The following DIP2C variants were observed in gnomAD, a reference collection of about 807,000 sequenced individuals.
DIP2C encodes disco-interacting protein 2 homolog C.
Under a neutral mutation model 192.4 loss-of-function variants are expected in DIP2C, and 33 were observed. The observed-to-expected ratio is 0.17, with a 90% CI of 0.13 to 0.23. DIP2C has a LOEUF of 0.23. Ranked by LOEUF, DIP2C falls within the 10% of genes least tolerant of loss-of-function variation. DIP2C has a pLI of 1.00. For synonymous variants in DIP2C, 979 were observed against 864.1 expected, an observed-to-expected ratio of 1.13 and a Z score of -2.33; for missense variants, 1,537 against 2,110.1, an observed-to-expected ratio of 0.73 and a Z score of 5.32.
intron 1 of DIP2C, among the ~76,000 whole-genome samples, chr10:610,875 C>A (rs1343995418): frequency 2.1e-5 from 3 of 141,176 alleles, no homozygotes; most frequent in Non-Finnish European, 4.6e-5. Context: ...TGGTTTCTAA[C>A]CCCCCAGTGT....
rs199656856 is a variant in DIP2C at position 392,813 on chromosome 10, AGC to A, written c.1261-1952_1261-1951del. Among the ~76,000 whole-genome samples the A allele has an allele frequency of 6.3e-3, 912 of 145,038 alleles. 3 individuals are homozygous for A. Among genetic ancestry groups the A allele is most frequent in the African/African-American group, 0.014 (507 of 35,522 alleles). ...TGCACACACGCGGATGCGCACACTC[AGC>A]GCACACACACACACACGCCCACGCA... On this transcript the variant is annotated intron_variant, in intron 10 of 36. Transcript: ENST00000280886.
At chr10:486,355 C>G in intron 2 of DIP2C, 104 bp downstream of exon 2, 1 of 1,136,482 alleles carries the variant, frequency 8.8e-7, no homozygotes. Flanking sequence ...GACGCCTCCT[C>G]CTGCCGACTG....
At chr10:425,312 C>T (rs1412556487) in intron 4 of DIP2C, among the ~76,000 whole-genome samples, 21 of 68,462 alleles carry the variant, frequency 3.1e-4, no homozygotes, top group South Asian at 5.8e-4. Context: ...GCATGACCAG[C>T]GGTGACTAAT....
intron 1 of DIP2C, among the ~76,000 whole-genome samples, chr10:546,594 G>A (rs193293977): frequency 2.6e-4 from 39 of 152,330 alleles, no homozygotes; most frequent in African/African-American, 9.4e-4. Context: ...GCTGCCAAAT[G>A]TCACAAGCGG....
At chr10:301,442 C>A (rs191688394) in intron 32 of DIP2C, among the ~76,000 whole-genome samples, 2 of 152,096 alleles carry the variant, frequency 1.3e-5, no homozygotes, top group African/African-American at 2.4e-5. Context: ...GCAGCTGCAG[C>A]GGGTCACAGT....
chr10:662,795 A>C (rs761390025), intron 1 of DIP2C: 1 of 713,454 alleles, frequency 1.4e-6, no homozygotes, highest in South Asian at 1.5e-5. Context: ...TTTTAGAAGA[A>C]CCAAAACTGT....
chr10:502,433 C>T (rs764803894), intron 1 of DIP2C, among the ~76,000 whole-genome samples: 1 of 152,184 alleles, frequency 6.6e-6, no homozygotes. Context: ...GCTCATAGGA[C>T]GAAAGGCTCA....
chr10:554,573 C>T (rs889423906), intron 1 of DIP2C, among the ~76,000 whole-genome samples: 1 of 152,226 alleles, frequency 6.6e-6, no homozygotes, highest in African/African-American at 2.4e-5. Flanking sequence ...CATGTGTTCC[C>T]GTGTTCTTGA....
chr10:475,652 AAATG>A (rs1020578613), intron 2 of DIP2C, among the ~76,000 whole-genome samples: 91 of 152,346 alleles, frequency 6.0e-4, no homozygotes, highest in African/African-American at 1.9e-3. Context: ...GTCTGAAAAC[AAATG>A]AATAAAATAG....
intron 18 of DIP2C, among the ~76,000 whole-genome samples, chr10:368,052 G>T (rs76695138): frequency 0.21 from 44 of 212 alleles, 2 homozygotes; most frequent in African/African-American, 0.4. Flanking sequence ...GAAGCCCGCG[G>T]TTGCTCTCAC....
At chr10:550,229 C>T (rs746711371) in intron 1 of DIP2C, among the ~76,000 whole-genome samples, 12 of 152,054 alleles carry the variant, frequency 7.9e-5, no homozygotes, top group Non-Finnish European at 1.5e-4. Context: ...AGGCTGGTCT[C>T]GAACTCCTGA....
intron 3 of DIP2C, among the ~76,000 whole-genome samples, chr10:464,579 C>A (rs941783537): frequency 6.6e-6 from 1 of 152,146 alleles, no homozygotes; most frequent in Admixed American, 6.5e-5. Context: ...GGTGATTCCT[C>A]AAGGATCTAG....
chr10:570,695 C>G (rs566239258), intron 1 of DIP2C, among the ~76,000 whole-genome samples: 2 of 152,346 alleles, frequency 1.3e-5, no homozygotes, highest in Admixed American at 1.3e-4. Flanking sequence ...CACCATCCAA[C>G]TGATTAAAGT....
chr10:614,383 G>A (rs770079165), intron 1 of DIP2C, among the ~76,000 whole-genome samples: 5 of 152,248 alleles, frequency 3.3e-5, no homozygotes, highest in Admixed American at 1.3e-4. Flanking sequence ...CTCTTTGTCT[G>A]CACACAGTAC....
chr10:579,750 AATGT>A (rs910810107), intron 1 of DIP2C, among the ~76,000 whole-genome samples: 30 of 152,066 alleles, frequency 2.0e-4, no homozygotes, highest in Non-Finnish European at 2.5e-4. Flanking sequence ...GGTACACTAT[AATGT>A]ATGTACATGC....
chr10:679,640 C>T (rs1158723686), intron 1 of DIP2C, among the ~76,000 whole-genome samples: 5 of 150,440 alleles, frequency 3.3e-5, no homozygotes, highest in African/African-American at 7.3e-5. Context: ...ATGCTCCCCA[C>T]ACCCGTGCTC....
intron 3 of DIP2C, among the ~76,000 whole-genome samples, chr10:446,291 A>G (rs6560841): frequency 0.16 from 24,401 of 150,970 alleles, 5,070 homozygotes; most frequent in African/African-American, 0.49. Context: ...CTGGGCATCT[A>G]TATACATCTG....
chr10:406,010 A>T (rs1365202453), intron 9 of DIP2C, among the ~76,000 whole-genome samples: 2 of 152,084 alleles, frequency 1.3e-5, no homozygotes, highest in African/African-American at 4.8e-5. Flanking sequence ...AGCCAAACCA[A>T]TCCCTGCCCA....
chr10:419,182 G>A lies in DIP2C; in HGVS notation c.622C>T (p.Pro208Ser). The part of the protein sequence containing the change: ...QTHIENHSAP[P>S]DVTTYTSEHS... ...TCTGAGGTGTACGTGGTTACGTCAG[G>A]AGGTGCAGAATGATTTTCTGTAAAG... The change falls in exon 6 of 37, where the codon CCT (proline) becomes TCT (serine). Residue 208 changes from proline (P) to serine (S), a missense_variant. Pro to Ser is a moderately conservative substitution (Grantham distance 74). Coordinates refer to ENST00000280886, the MANE Select transcript of DIP2C (RefSeq NM_014974.3). 1.2e-6 allele frequency: 2 copies of A among 1,614,238 alleles called. No individual in the cohort carries two copies. The highest frequency in any genetic ancestry group is 1.7e-6 in the Non-Finnish European group (2 of 1,180,040).
Sources: allele counts gnomAD v4.1 joint callset (sites outside exome capture counted in the v4.1 genomes callset), GRCh38; gene constraint gnomAD v4.1.1; transcripts MANE v1.5; gene names NCBI Gene and HGNC (gene_info 2026-07-23, HGNC 2026-07-21).